The following DDX50 variants were observed in gnomAD, a reference collection of about 807,000 sequenced individuals.
DDX50 encodes the protein DExD-box helicase 50.
A neutral mutation model predicts 94.8 loss-of-function variants in DDX50; 56 were observed. That is an observed-to-expected ratio of 0.59 (90% CI 0.48 to 0.74). DDX50 has a LOEUF of 0.74. DDX50 is among the 30% of genes least tolerant of loss of function. DDX50 has a pLI of 0.00. For missense variants in DDX50, 713 were observed against 881.2 expected (o/e 0.81, Z 2.42); for synonymous variants, 264 against 295.4 (o/e 0.89, Z 1.09).
chr10:68,928,438 A>T (rs1472485833), intron 8 of DDX50, among the ~76,000 whole-genome samples: 1 of 152,222 alleles, frequency 6.6e-6, no homozygotes, highest in East Asian at 1.9e-4. Flanking sequence ...TGGGAGGCCA[A>T]GGCAGGAGGA....
intron 2 of DDX50, 42 bp downstream of exon 2, chr10:68,907,049 C>G: frequency 1.3e-6 from 2 of 1,541,628 alleles, no homozygotes; most frequent in Non-Finnish European, 1.7e-6. Context: ...TGTTGTTGAA[C>G]TATAGGTTGA....
chr10:68,908,787 G>A (rs998109654), intron 2 of DDX50, among the ~76,000 whole-genome samples: 5 of 151,824 alleles, frequency 3.3e-5, no homozygotes, highest in Non-Finnish European at 5.9e-5. Flanking sequence ...GACTATAGGC[G>A]TGTAGCACCA....
intron 12 of DDX50, among the ~76,000 whole-genome samples, chr10:68,938,647 A>G (rs975249851): frequency 2.0e-5 from 3 of 152,210 alleles, no homozygotes; most frequent in Non-Finnish European, 1.5e-5. Context: ...TGTAGCACAA[A>G]TGAATGCTGC....
intron 8 of DDX50, among the ~76,000 whole-genome samples, chr10:68,921,476 T>C (rs1158768346): frequency 6.6e-6 from 1 of 151,564 alleles, no homozygotes; most frequent in African/African-American, 2.4e-5. Flanking sequence ...GTCTTCCATA[T>C]TTTCTGAATA....
At chr10:68,916,191 T>C (rs1408526073) in intron 7 of DDX50, among the ~76,000 whole-genome samples, 6 of 151,774 alleles carry the variant, frequency 4.0e-5, no homozygotes. Flanking sequence ...CTTTCTCTAC[T>C]AAAAATACAA....
At chr10:68,904,039 G>T (rs112733973) in intron 1 of DDX50, among the ~76,000 whole-genome samples, 10,248 of 151,462 alleles carry the variant, frequency 0.068, 1,116 homozygotes, top group African/African-American at 0.23. Context: ...AGCTACTCGG[G>T]ATGCTAAGGC....
At chr10:68,930,442 C>T (rs1842231989) in intron 8 of DDX50, among the ~76,000 whole-genome samples, 1 of 152,094 alleles carries the variant, frequency 6.6e-6, no homozygotes, top group Non-Finnish European at 1.5e-5. Context: ...ACACCAGTTG[C>T]AGAAGCTAAA....
chr10:68,915,039 C>T (rs1290194235), intron 7 of DDX50, among the ~76,000 whole-genome samples: 2 of 135,802 alleles, frequency 1.5e-5, no homozygotes, highest in South Asian at 4.7e-4. Flanking sequence ...AAAAAAAAAC[C>T]ACAGAAGTCA....
Position 68,941,090 on chromosome 10 carries a change from G to T in DDX50, c.1786G>T (p.Glu596Ter). ...TGTGACCATGACTCTGGAAAGCCTA[G>T]AGGAAATACAGGATGTCAGCTGTGC... ...GFVTMTLESL[E>*]EIQDVSCAWK... The change falls in exon 13 of 15, where the codon GAG (glutamate) becomes TAG (stop). Residue 596 changes from glutamate (E) to a stop codon, truncating the protein, a stop_gained. Transcript: ENST00000373585. LOFTEE classifies it high-confidence loss of function. 1 of 1,611,932 alleles carries T rather than the reference G, an allele frequency of 6.2e-7. No homozygotes were observed. The highest frequency in any genetic ancestry group is 1.1e-5 in the South Asian group (1 of 90,844).
chr10:68,925,875 G>A (rs943504892), intron 8 of DDX50, among the ~76,000 whole-genome samples: 1 of 151,664 alleles, frequency 6.6e-6, no homozygotes, highest in Non-Finnish European at 1.5e-5. Context: ...TTAGCCAGGT[G>A]TGGTGATGCA....
rs929124014 is a variant in DDX50 at position 68,925,690 on chromosome 10, A to G, written c.1239+5709A>G. Among the ~76,000 whole-genome samples the G allele has an allele frequency of 3.3e-5, 5 of 152,264 alleles. No individual in the cohort carries two copies. The East Asian group carries it at 9.7e-4, about 30-fold the overall frequency. Reference sequence around the variant, plus strand: ...GGAGTTTGAGACCAGCCTGGGCAGCATAATGAGACACTGTCTCTATAAAAA... The same window carrying G: ...GGAGTTTGAGACCAGCCTGGGCAGCGTAATGAGACACTGTCTCTATAAAAA... On this transcript the variant is annotated intron_variant, in intron 8 of 14. Transcript: ENST00000373585.
At chr10:68,929,112 A>C (rs1441563793) in intron 8 of DDX50, among the ~76,000 whole-genome samples, 1 of 151,130 alleles carries the variant, frequency 6.6e-6, no homozygotes, top group African/African-American at 2.4e-5. Flanking sequence ...ACGCCTCGCT[A>C]ATTTTTGTAT....
At chr10:68,937,442 T>C (rs1044410858) in intron 12 of DDX50, among the ~76,000 whole-genome samples, 3 of 152,160 alleles carry the variant, frequency 2.0e-5, no homozygotes, top group African/African-American at 7.2e-5. Flanking sequence ...TTATAGGGTA[T>C]GTGGTGATGT....
At chr10:68,932,216 A>G (rs1842290642) in intron 8 of DDX50, among the ~76,000 whole-genome samples, 1 of 152,226 alleles carries the variant, frequency 6.6e-6, no homozygotes, top group Admixed American at 6.5e-5. Context: ...ATGTTAAGCT[A>G]TTTAGATACC....
At chr10:68,925,270 ATTTTT>A (rs78283932) in intron 8 of DDX50, among the ~76,000 whole-genome samples, 1 of 145,468 alleles carries the variant, frequency 6.9e-6, no homozygotes, top group Non-Finnish European at 1.5e-5. Flanking sequence ...TGCCCAACTA[ATTTTT>A]TTTTTTTTAT....
At chr10:68,920,121 T>A in intron 8 of DDX50, 140 bp downstream of exon 8, 2 of 970,582 alleles carry the variant, frequency 2.1e-6, no homozygotes, top group Middle Eastern at 2.2e-4. Context: ...GGCCCACACC[T>A]GTAATCCTGT....
chr10:68,902,400 A>G (rs1022304744), intron 1 of DDX50, among the ~76,000 whole-genome samples: 11 of 152,214 alleles, frequency 7.2e-5, no homozygotes, highest in Non-Finnish European at 1.0e-4. Flanking sequence ...AGAAAGCAGA[A>G]TCTACCTCTC....
intron 10 of DDX50, 108 bp from the exon 11 acceptor site, chr10:68,935,898 A>T (rs1842395417): frequency 1.3e-6 from 1 of 778,866 alleles, no homozygotes; most frequent in Non-Finnish European, 2.0e-6. Context: ...TAGGGCTATG[A>T]AATCTTTAAA....
chr10:68,929,171 T>A (rs1842167056), intron 8 of DDX50, among the ~76,000 whole-genome samples: 1 of 151,964 alleles, frequency 6.6e-6, no homozygotes, highest in South Asian at 2.1e-4. Flanking sequence ...GGTCTGGAAC[T>A]CCTGACCTCA....
Sources: gnomAD v4.1 joint callset for allele counts (sites outside exome capture counted in the v4.1 genomes callset) on GRCh38, gnomAD v4.1.1 for gene constraint, MANE v1.5 for transcripts, NCBI Gene and HGNC (gene_info 2026-07-23, HGNC 2026-07-21) for gene names.